Variants in DLG2 observed in about 807,000 individuals in gnomAD.
DLG2 encodes the protein disks large homolog 2.
Under a neutral mutation model 132.5 loss-of-function variants are expected in DLG2, and 45 were observed. The ratio of observed to expected loss-of-function variants is 0.34; its 90% CI spans 0.27 to 0.44. The LOEUF (loss-of-function observed/expected upper bound fraction) is 0.44, where lower values mean the gene tolerates loss of function less well. DLG2 is among the 20% of genes least tolerant of loss of function. DLG2 has a pLI of 1.00. For synonymous variants in DLG2, 424 were observed against 419.6 expected (o/e 1.01, Z -0.13); for missense variants, 1,045 against 1,196.9 (o/e 0.87, Z 1.87).
At chr11:85,040,825 T>C (rs1010893836) in intron 6 of DLG2, among the ~76,000 whole-genome samples, 1 of 151,924 alleles carries the variant, frequency 6.6e-6, no homozygotes, top group South Asian at 2.1e-4. Context: ...GAGGAATGTA[T>C]AAAGTTCTAA....
intron 4 of DLG2, among the ~76,000 whole-genome samples, chr11:85,257,260 C>T (rs945282697): frequency 2.8e-4 from 42 of 152,034 alleles, no homozygotes; most frequent in African/African-American, 9.4e-4. Flanking sequence ...TATTGGCATG[C>T]AAATATACAC....
chr11:83,946,223 G>A (rs977781154), intron 14 of DLG2, among the ~76,000 whole-genome samples: 1 of 152,006 alleles, frequency 6.6e-6, no homozygotes, highest in African/African-American at 2.4e-5. Flanking sequence ...CCTGACCTCA[G>A]GTAATCTACC....
chr11:83,992,514 A>G (rs1480000525), intron 11 of DLG2, among the ~76,000 whole-genome samples: 4 of 152,138 alleles, frequency 2.6e-5, no homozygotes, highest in African/African-American at 7.2e-5. Flanking sequence ...ATATATACTC[A>G]AAGACCCAGC....
chr11:83,954,374 T>A (rs1181671770), intron 14 of DLG2, among the ~76,000 whole-genome samples: 1 of 152,182 alleles, frequency 6.6e-6, no homozygotes, highest in African/African-American at 2.4e-5. Context: ...TGTGGTCAGT[T>A]TTCTCTTTAT....
At chr11:83,889,655 C>A (rs964169724) in intron 15 of DLG2, among the ~76,000 whole-genome samples, 2 of 152,088 alleles carry the variant, frequency 1.3e-5, no homozygotes, top group African/African-American at 2.4e-5. Flanking sequence ...AAGACACATG[C>A]ACATGTATGT....
At chr11:84,008,535 C>A (rs2094696347) in intron 11 of DLG2, among the ~76,000 whole-genome samples, 1 of 151,836 alleles carries the variant, frequency 6.6e-6, no homozygotes, top group Non-Finnish European at 1.5e-5. Flanking sequence ...ACATTCCTCC[C>A]TTTCCAAAAG....
At chr11:84,657,814 C>T (rs867667844) in intron 6 of DLG2, among the ~76,000 whole-genome samples, 5 of 152,240 alleles carry the variant, frequency 3.3e-5, no homozygotes, top group Middle Eastern at 3.4e-3. Flanking sequence ...CAATACTGCT[C>T]GCAGTCAAAA....
intron 6 of DLG2, among the ~76,000 whole-genome samples, chr11:85,034,078 AT>A (rs10719469): frequency 0.33 from 46,055 of 137,678 alleles, 7,295 homozygotes; most frequent in South Asian, 0.52. Context: ...GATATATTAG[AT>A]TTTTTTTTTT....
intron 14 of DLG2, among the ~76,000 whole-genome samples, chr11:83,955,449 G>C (rs562373465): frequency 6.6e-6 from 1 of 152,146 alleles, no homozygotes. Context: ...TAGGCAGATA[G>C]GGGTGGGTAA....
chr11:84,817,083 T>C (rs1008685130), intron 6 of DLG2, among the ~76,000 whole-genome samples: 2 of 152,016 alleles, frequency 1.3e-5, no homozygotes, highest in East Asian at 1.9e-4. Flanking sequence ...TAAAGCACCA[T>C]GCAAACATGA....
At chr11:83,699,436 C>T (rs2082475789) in intron 18 of DLG2, among the ~76,000 whole-genome samples, 2 of 151,954 alleles carry the variant, frequency 1.3e-5, no homozygotes. Context: ...GTGGCTCACG[C>T]CTGTAATCGC....
At chr11:83,849,766 A>T (rs78074491) in intron 16 of DLG2, among the ~76,000 whole-genome samples, 7,756 of 37,612 alleles carry the variant, frequency 0.21, 554 homozygotes, top group African/African-American at 0.45. Context: ...TTTTTTTTTT[A>T]AAAAAAAAGC....
At chr11:84,064,122 T>C (rs2096634430) in intron 10 of DLG2, among the ~76,000 whole-genome samples, 4 of 151,574 alleles carry the variant, frequency 2.6e-5, no homozygotes, top group Admixed American at 1.3e-4. Flanking sequence ...TAAGAATATA[T>C]ATATATAACA....
chr11:85,071,000 C>T (rs1443319011), intron 6 of DLG2, among the ~76,000 whole-genome samples: 1 of 151,820 alleles, frequency 6.6e-6, no homozygotes, highest in Non-Finnish European at 1.5e-5. Context: ...CCAAGCACAA[C>T]TGATTTTTAA....
In DLG2 at chr11:85,509,425, G is replaced by C. The variant is rs114108051; in HGVS notation, c.40+89232C>G. Among the ~76,000 whole-genome samples the C allele has an allele frequency of 1.7e-3, 260 of 152,136 alleles. 1 individual carries two copies. The highest frequency in any genetic ancestry group is 6.1e-3 in the African/African-American group (252 of 41,544). ...TAAGAAGTAAGTGCCTTACTACACA[G>C]TACAAGGCACATTGACTAACCCGAA... On this transcript the variant is annotated intron_variant, in intron 3 of 27. Transcript: ENST00000376104.
chr11:84,934,525 G>GTTTTTTTTTTTTTTTTTTTTT (rs757894179), intron 6 of DLG2, among the ~76,000 whole-genome samples: 29 of 38,640 alleles, frequency 7.5e-4, no homozygotes, highest in African/African-American at 9.2e-4. Flanking sequence ...GTTTTGTTTT[G>GTTTTTTTTTTTTTTTTTTTTT]TTTTTTTTTT....
chr11:83,521,993 T>A (rs1255711945), intron 21 of DLG2, among the ~76,000 whole-genome samples: 1 of 152,182 alleles, frequency 6.6e-6, no homozygotes, highest in East Asian at 1.9e-4. Context: ...TCTTCAAAAA[T>A]TTTAAAGGAA....
intron 19 of DLG2, among the ~76,000 whole-genome samples, chr11:83,555,668 G>T (rs2096500597): frequency 6.6e-6 from 1 of 152,034 alleles, no homozygotes; most frequent in Admixed American, 6.5e-5. Flanking sequence ...TAAAACATTT[G>T]ATTGCAGACA....
chr11:83,575,329 G>A (rs1167799322), intron 19 of DLG2, among the ~76,000 whole-genome samples: 1 of 152,126 alleles, frequency 6.6e-6, no homozygotes, highest in Non-Finnish European at 1.5e-5. Flanking sequence ...ACAGAGTCTC[G>A]AGGCCATCAA....
Sources: gnomAD v4.1 joint callset for allele counts (sites outside exome capture counted in the v4.1 genomes callset) on GRCh38, gnomAD v4.1.1 for gene constraint, MANE v1.5 for transcripts, NCBI Gene and HGNC (gene_info 2026-07-23, HGNC 2026-07-21) for gene names.